The following UBTD1 variants were observed in gnomAD, a reference collection of about 807,000 sequenced individuals.
The protein encoded by UBTD1 is ubiquitin domain containing 1.
A neutral mutation model predicts 21.7 loss-of-function variants in UBTD1; 19 were observed. The observed-to-expected ratio is 0.87, with a 90% confidence interval of 0.61 to 1.28. The LOEUF (loss-of-function observed/expected upper bound fraction) is 1.28. Ranked by LOEUF, UBTD1 falls within the 50% of genes most tolerant of loss-of-function variation. The pLI is 0.00. For missense variants in UBTD1, 282 were observed against 315.1 expected, an observed-to-expected ratio of 0.89 and a Z score of 0.80; for synonymous variants, 116 against 135.1, an observed-to-expected ratio of 0.86 and a Z score of 0.98.
chr10:97,526,601 G>A (rs1321693772), intron 1 of UBTD1, among the ~76,000 whole-genome samples: 2 of 152,234 alleles, frequency 1.3e-5, no homozygotes, highest in South Asian at 2.1e-4. Flanking sequence ...ATTCCAGAGT[G>A]AACAATCAAA....
intron 1 of UBTD1, among the ~76,000 whole-genome samples, chr10:97,558,130 C>T (rs906046889): frequency 6.6e-6 from 1 of 151,778 alleles, no homozygotes; most frequent in Admixed American, 6.6e-5. Flanking sequence ...TGCTCCCATC[C>T]ACGTACAGCT....
chr10:97,508,796 G>A (rs1031746025), intron 1 of UBTD1, among the ~76,000 whole-genome samples: 20 of 152,206 alleles, frequency 1.3e-4, no homozygotes, highest in African/African-American at 4.1e-4. Context: ...ATAAATATGC[G>A]TTGAATGTTG....
chr10:97,530,428 A>AC, intron 1 of UBTD1, among the ~76,000 whole-genome samples: 1 of 152,238 alleles, frequency 6.6e-6, no homozygotes, highest in East Asian at 1.9e-4. Flanking sequence ...ACAGAGTGAG[A>AC]CCCCATCTCA....
At chr10:97,504,206 G>T (rs1589866076) in intron 1 of UBTD1, among the ~76,000 whole-genome samples, 1 of 152,076 alleles carries the variant, frequency 6.6e-6, no homozygotes, top group South Asian at 2.1e-4. Flanking sequence ...GCTACCACTG[G>T]CCTGTGAACT....
intron 1 of UBTD1, among the ~76,000 whole-genome samples, chr10:97,519,151 A>G (rs1011690162): frequency 2.0e-5 from 3 of 152,234 alleles, no homozygotes; most frequent in Non-Finnish European, 2.9e-5. Flanking sequence ...CCTGTTGCAA[A>G]TAATAACGTG....
At chr10:97,510,760 C>A (rs186788725) in intron 1 of UBTD1, among the ~76,000 whole-genome samples, 1 of 152,212 alleles carries the variant, frequency 6.6e-6, no homozygotes, top group Admixed American at 6.5e-5. Context: ...GAAGGCAAAT[C>A]CGAAGCAAGT....
intron 1 of UBTD1, among the ~76,000 whole-genome samples, chr10:97,555,668 C>CAG (rs56122210): frequency 0.92 from 140,048 of 152,056 alleles, 65,197 homozygotes; most frequent in East Asian, 0.99. Flanking sequence ...TGGTACGTGA[C>CAG]GGGCTGCATG....
At chr10:97,503,224 T>G (rs2040385075) in intron 1 of UBTD1, among the ~76,000 whole-genome samples, 1 of 152,194 alleles carries the variant, frequency 6.6e-6, no homozygotes, top group Non-Finnish European at 1.5e-5. Flanking sequence ...CCTTAAAAAT[T>G]TTTTTTGGAT....
At chr10:97,502,861 ATATACG>A (rs1393947128) in intron 1 of UBTD1, among the ~76,000 whole-genome samples, 2 of 148,758 alleles carry the variant, frequency 1.3e-5, no homozygotes, top group African/African-American at 2.5e-5. Context: ...ATATACGTAT[ATATACG>A]TATATATGTA....
chr10:97,565,105 A>G (rs2040711293), intron 1 of UBTD1, among the ~76,000 whole-genome samples: 1 of 152,208 alleles, frequency 6.6e-6, no homozygotes, highest in African/African-American at 2.4e-5. Context: ...CCTTGGGCAC[A>G]TGTTCTCAGA....
intron 2 of UBTD1, among the ~76,000 whole-genome samples, chr10:97,568,487 T>A (rs935051217): frequency 2.6e-5 from 4 of 151,884 alleles, no homozygotes; most frequent in Admixed American, 6.6e-5. Flanking sequence ...AGTGGTGGGA[T>A]CTCGGTTCAC....
chr10:97,559,880 AT>A (rs966614453), intron 1 of UBTD1, among the ~76,000 whole-genome samples: 4 of 152,136 alleles, frequency 2.6e-5, no homozygotes, highest in African/African-American at 7.2e-5. Flanking sequence ...TAAAACATTA[AT>A]TTTTTTAATC....
intron 1 of UBTD1, among the ~76,000 whole-genome samples, chr10:97,527,741 C>T (rs535609372): frequency 7.2e-4 from 109 of 152,150 alleles, no homozygotes; most frequent in African/African-American, 2.6e-3. Context: ...GGACACAGCA[C>T]ATGTTTCAGA....
At chr10:97,534,874 C>G (rs982974842) in intron 1 of UBTD1, among the ~76,000 whole-genome samples, 2 of 152,220 alleles carry the variant, frequency 1.3e-5, no homozygotes, top group East Asian at 1.9e-4. Flanking sequence ...GAAATGATGT[C>G]AAGCTCTCAG....
At chr10:97,565,104 CA>C (rs1329510702) in intron 1 of UBTD1, among the ~76,000 whole-genome samples, 1 of 152,192 alleles carries the variant, frequency 6.6e-6, no homozygotes, top group African/African-American at 2.4e-5. Flanking sequence ...ACCTTGGGCA[CA>C]TGTTCTCAGA....
intron 1 of UBTD1, among the ~76,000 whole-genome samples, chr10:97,531,483 T>G (rs1278928114): frequency 6.6e-6 from 1 of 152,194 alleles, no homozygotes; most frequent in East Asian, 1.9e-4. Context: ...ACTCCTGACC[T>G]CAAGTGATCT....
chr10:97,555,702 A>G (rs1253148027), intron 1 of UBTD1, among the ~76,000 whole-genome samples: 1 of 152,186 alleles, frequency 6.6e-6, no homozygotes, highest in Admixed American at 6.5e-5. Context: ...AGAGAAACAG[A>G]ACAGGGCAGG....
At chr10:97,501,983 A>G (rs571041075) in intron 1 of UBTD1, among the ~76,000 whole-genome samples, 42 of 152,202 alleles carry the variant, frequency 2.8e-4, no homozygotes, top group South Asian at 2.1e-3. Context: ...CATGTCTTTG[A>G]TGTTTACAGT....
intron 1 of UBTD1, among the ~76,000 whole-genome samples, chr10:97,507,646 C>T (rs543816686): frequency 3.0e-4 from 45 of 151,476 alleles, no homozygotes; most frequent in Admixed American, 1.3e-3. Flanking sequence ...CATGGTGGCA[C>T]GTGCCTGTAA....
Sources: gnomAD v4.1 joint callset for allele counts (sites outside exome capture counted in the v4.1 genomes callset) on GRCh38, gnomAD v4.1.1 for gene constraint, MANE v1.5 for transcripts, NCBI Gene and HGNC (gene_info 2026-07-23, HGNC 2026-07-21) for gene names.